SRGAP3: variants seen among roughly 807,000 people sequenced by gnomAD.
SRGAP3 encodes SLIT-ROBO Rho GTPase-activating protein 3.
A neutral mutation model predicts 121.1 loss-of-function variants in SRGAP3; 39 were observed. That is an observed-to-expected ratio of 0.32 (90% CI 0.25 to 0.42). The LOEUF is 0.42. Ranked by LOEUF, SRGAP3 falls within the 10% of genes least tolerant of loss-of-function variation. SRGAP3 has a pLI of 1.00. For missense variants in SRGAP3, 1,213 were observed against 1,470.6 expected (o/e 0.82, Z 2.86); for synonymous variants, 601 against 570.0 (o/e 1.05, Z -0.77).
chr3:9,167,808 G>A (rs374563272), intron 1 of SRGAP3, among the ~76,000 whole-genome samples: 5 of 152,302 alleles, frequency 3.3e-5, no homozygotes, highest in East Asian at 1.9e-4. Context: ...GCCCAGCCTA[G>A]ATATCTTTCA....
At chr3:9,130,051 C>T (rs1949385765) in intron 1 of SRGAP3, among the ~76,000 whole-genome samples, 1 of 152,122 alleles carries the variant, frequency 6.6e-6, no homozygotes, top group African/African-American at 2.4e-5. Context: ...CATGAGCCAC[C>T]ACGCCCAGCC....
chr3:9,276,902 A>C (rs1954592902), intron 3 of SRGAP3, among the ~76,000 whole-genome samples: 1 of 152,326 alleles, frequency 6.6e-6, no homozygotes, highest in African/African-American at 2.4e-5. Context: ...TTATCTGAGC[A>C]CTTACCCTGC....
At chr3:9,281,917 C>G (rs1415274439) in intron 3 of SRGAP3, among the ~76,000 whole-genome samples, 2 of 152,216 alleles carry the variant, frequency 1.3e-5, no homozygotes, top group African/African-American at 2.4e-5. Context: ...CCGCCCACCT[C>G]AACCTCCCAA....
intron 3 of SRGAP3, among the ~76,000 whole-genome samples, chr3:9,301,672 A>G (rs938561518): frequency 6.6e-6 from 1 of 152,166 alleles, no homozygotes; most frequent in Non-Finnish European, 1.5e-5. Flanking sequence ...TGGCTTCAAG[A>G]GGAGGTAGAA....
At chr3:9,228,923 G>A (rs533605495) in intron 1 of SRGAP3, among the ~76,000 whole-genome samples, 51 of 151,754 alleles carry the variant, frequency 3.4e-4, no homozygotes, top group African/African-American at 1.1e-3. Context: ...TTAGCCGGGC[G>A]CGGTGGCGGG....
intron 12 of SRGAP3, chr3:9,028,084 C>A: frequency 6.2e-7 from 1 of 1,614,086 alleles, no homozygotes; most frequent in African/African-American, 1.3e-5. Context: ...GGCTAATGGG[C>A]CTTTCTAGTA....
intron 1 of SRGAP3, among the ~76,000 whole-genome samples, chr3:9,158,440 T>C (rs1380238327): frequency 6.6e-6 from 1 of 152,220 alleles, no homozygotes; most frequent in Admixed American, 6.5e-5. Flanking sequence ...GTGGAGTTTA[T>C]TTCACAGTCA....
chr3:9,272,323 A>G (rs1361875789), intron 3 of SRGAP3, among the ~76,000 whole-genome samples: 1 of 152,198 alleles, frequency 6.6e-6, no homozygotes, highest in East Asian at 1.9e-4. Flanking sequence ...AGCCATTCAC[A>G]TTGTTGTGCA....
intron 1 of SRGAP3, among the ~76,000 whole-genome samples, chr3:9,222,483 T>C (rs1952846936): frequency 6.6e-6 from 1 of 152,200 alleles, no homozygotes; most frequent in Admixed American, 6.5e-5. Context: ...CCACCAGCTT[T>C]AGGTGATTTC....
At chr3:9,307,902 C>T (rs551301493) in intron 3 of SRGAP3, among the ~76,000 whole-genome samples, 4 of 152,330 alleles carry the variant, frequency 2.6e-5, no homozygotes, top group East Asian at 3.9e-4. Context: ...CACCTGTAAT[C>T]CCAGCACTTT....
chr3:9,169,447 G>C (rs149347988), intron 1 of SRGAP3, among the ~76,000 whole-genome samples: 5 of 152,294 alleles, frequency 3.3e-5, no homozygotes, highest in African/African-American at 1.2e-4. Context: ...AAAGGTGGGC[G>C]TGGGAGGAAG....
At chr3:9,069,052 G>T (rs1946556615) in intron 4 of SRGAP3, among the ~76,000 whole-genome samples, 1 of 152,230 alleles carries the variant, frequency 6.6e-6, no homozygotes, top group African/African-American at 2.4e-5. Context: ...TTCTCTAGGT[G>T]AAAAGCTGGT....
intron 1 of SRGAP3, among the ~76,000 whole-genome samples, chr3:9,166,087 G>A (rs1390021308): frequency 6.6e-6 from 1 of 152,118 alleles, no homozygotes; most frequent in Non-Finnish European, 1.5e-5. Context: ...CCAAACCCAA[G>A]CCTTCCCTGA....
intron 4 of SRGAP3, among the ~76,000 whole-genome samples, chr3:9,070,138 A>C (rs1262984514): frequency 6.6e-6 from 1 of 152,232 alleles, no homozygotes; most frequent in Admixed American, 6.5e-5. Flanking sequence ...TTCTGAAAAC[A>C]GCAAAGTGTT....
chr3:9,163,235 C>T (rs1950658829), intron 1 of SRGAP3, among the ~76,000 whole-genome samples: 1 of 152,236 alleles, frequency 6.6e-6, no homozygotes. Context: ...CGGGCCAAAC[C>T]CAACACAGGC....
intron 1 of SRGAP3, among the ~76,000 whole-genome samples, chr3:9,221,368 A>C (rs537123133): frequency 6.6e-6 from 1 of 152,182 alleles, no homozygotes; most frequent in South Asian, 2.1e-4. Flanking sequence ...CTGTTTCTAC[A>C]AAAACATTTT....
intron 10 of SRGAP3, 24 bp from the exon 11 acceptor site, chr3:9,038,114 T>C (rs1264181925): frequency 6.2e-7 from 1 of 1,613,974 alleles, no homozygotes; most frequent in African/African-American, 1.3e-5. Flanking sequence ...TATACATGAA[T>C]GTTTAATTGC....
chr3:9,122,481 G>A (rs971936715), intron 2 of SRGAP3, among the ~76,000 whole-genome samples: 4 of 152,090 alleles, frequency 2.6e-5, no homozygotes, highest in East Asian at 1.9e-4. Context: ...AGGCCGAGGC[G>A]GGCGGATCAT....
Position 9,120,471 on chromosome 3 carries a change from A to T in SRGAP3, c.260+4254T>A, listed in dbSNP as rs557334857. ...CCTCATTTATCTTTGTGTCTTCGGC[A>T]CTGAGCACAGTCCAGGAAAATATGA... On this transcript the variant is annotated intron_variant, in intron 2 of 21. Coordinates refer to ENST00000383836, the MANE Select transcript of SRGAP3 (RefSeq NM_014850.4). Among the ~76,000 whole-genome samples, 13 of 152,356 alleles carry T rather than the reference A, an allele frequency of 8.5e-5. No homozygotes were observed. In the East Asian group the frequency reaches 2.3e-3, roughly 27 times the overall value.
Sources: gnomAD v4.1 joint callset for allele counts (sites outside exome capture counted in the v4.1 genomes callset) on GRCh38, gnomAD v4.1.1 for gene constraint, MANE v1.5 for transcripts, NCBI Gene and HGNC (gene_info 2026-07-23, HGNC 2026-07-21) for gene names.